Variants in UBE2Q2 observed in about 807,000 individuals in gnomAD.
The protein encoded by UBE2Q2 is ubiquitin conjugating enzyme E2 Q2.
Under a neutral mutation model 59.9 loss-of-function variants are expected in UBE2Q2, and 54 were observed. The observed-to-expected ratio is 0.90, with a 90% CI of 0.72 to 1.13. The LOEUF is 1.13. Among genes scored for constraint, UBE2Q2 ranks in the 50% most tolerant of loss-of-function variants. UBE2Q2 has a pLI of 0.00. For synonymous variants in UBE2Q2, 165 were observed against 155.2 expected (o/e 1.06, Z -0.47); for missense variants, 433 against 441.9 (o/e 0.98, Z 0.18).
At position 75,843,777 on chromosome 15, in the gene UBE2Q2, G is replaced by C. The variant is rs778344721; in HGVS notation, c.111G>C (p.Gln37His). The change falls in exon 1 of 13, where the codon CAG becomes CAC. Residue 37 changes from glutamine (Q) to histidine (H), a missense_variant. Physicochemically the swap from Gln to His is conservative, Grantham distance 24. Coordinates refer to ENST00000267938, the MANE Select transcript of UBE2Q2 (RefSeq NM_173469.4). Reference protein sequence around the residue: ...VSWKLDELHCQFLVPQQGSPH... With the variant: ...VSWKLDELHCHFLVPQQGSPH... ...GGAAGCTGGACGAGCTGCACTGCCA[G>C]TTCCTGGTGCCGCAGCAGGGCAGCC... 19 of 1,609,862 alleles carry C rather than the reference G, an allele frequency of 1.2e-5. No individual in the cohort carries two copies. Among genetic ancestry groups the C allele is most frequent in the Middle Eastern group, 1.7e-4 (1 of 5,996 alleles).
chr15:75,861,210 T>C (rs972024900), intron 3 of UBE2Q2, among the ~76,000 whole-genome samples: 1 of 152,358 alleles, frequency 6.6e-6, no homozygotes, highest in Non-Finnish European at 1.5e-5. Context: ...ACTTCTGTTA[T>C]ATTCTACCCT....
At chr15:75,892,083 G>GTC (rs1427916991) in intron 11 of UBE2Q2, among the ~76,000 whole-genome samples, 1 of 152,166 alleles carries the variant, frequency 6.6e-6, no homozygotes, top group East Asian at 1.9e-4. Flanking sequence ...GAGGAAGTGA[G>GTC]TCACTACCTA....
At chr15:75,844,432 C>T in intron 1 of UBE2Q2, 12 of 1,551,670 alleles carry the variant, frequency 7.7e-6, no homozygotes, top group South Asian at 1.2e-5. Context: ...TCCCCCGGGC[C>T]TGGCTGCGCG....
intron 11 of UBE2Q2, among the ~76,000 whole-genome samples, chr15:75,892,698 A>G (rs543987981): frequency 1.7e-4 from 26 of 152,118 alleles, no homozygotes; most frequent in African/African-American, 6.0e-4. Flanking sequence ...CGTCTACACA[A>G]AAAATACGCC....
intron 9 of UBE2Q2, among the ~76,000 whole-genome samples, chr15:75,888,660 G>A (rs1237009852): frequency 2.0e-5 from 3 of 152,036 alleles, no homozygotes; most frequent in Non-Finnish European, 4.4e-5. Context: ...AAGTAGAATC[G>A]GCCACTTTTA....
chr15:75,878,918 G>T (rs1266336778), intron 7 of UBE2Q2, among the ~76,000 whole-genome samples, 180 bp from the exon 8 acceptor site: 2 of 151,836 alleles, frequency 1.3e-5, no homozygotes, highest in Non-Finnish European at 2.9e-5. Flanking sequence ...TTCCCAAGGA[G>T]CTGGAACCTA....
chr15:75,854,621 T>G, intron 2 of UBE2Q2, 134 bp downstream of exon 2: 1 of 565,916 alleles, frequency 1.8e-6, no homozygotes, highest in Non-Finnish European at 2.9e-6. Flanking sequence ...CTAGTTTGTT[T>G]GTTTTTTTTC....
chr15:75,854,309 G>A (rs1232291301), intron 1 of UBE2Q2, 77 bp from the exon 2 acceptor site: 22 of 1,108,090 alleles, frequency 2.0e-5, no homozygotes, highest in African/African-American at 3.2e-5. Flanking sequence ...TCATCTTGCC[G>A]TTTAGTGGTG....
intron 9 of UBE2Q2, among the ~76,000 whole-genome samples, chr15:75,884,334 G>A (rs1056244209): frequency 6.6e-6 from 1 of 152,184 alleles, no homozygotes; most frequent in Non-Finnish European, 1.5e-5. Context: ...TGCATTTAGG[G>A]TAAAAATATG....
At chr15:75,879,824 T>C (rs539994101) in intron 8 of UBE2Q2, among the ~76,000 whole-genome samples, 5 of 152,280 alleles carry the variant, frequency 3.3e-5, no homozygotes, top group East Asian at 3.9e-4. Flanking sequence ...GAAACACTTA[T>C]TTATGGATTC....
intron 4 of UBE2Q2, 62 bp downstream of exon 4, chr15:75,869,072 T>TA: frequency 7.3e-7 from 1 of 1,375,590 alleles, no homozygotes; most frequent in Non-Finnish European, 1.0e-6. Flanking sequence ...TTTGAGTAAT[T>TA]CTCAAATCTT....
chr15:75,894,002 A>G (rs1389100317), intron 11 of UBE2Q2, among the ~76,000 whole-genome samples: 1 of 152,242 alleles, frequency 6.6e-6, no homozygotes, highest in Non-Finnish European at 1.5e-5. Context: ...GGACAGTGTC[A>G]TTCTCTGATC....
intron 5 of UBE2Q2, 23 bp from the exon 6 acceptor site, chr15:75,876,164 A>C: frequency 5.6e-6 from 9 of 1,612,160 alleles, no homozygotes; most frequent in Non-Finnish European, 7.6e-6. Context: ...AGACCCTGGT[A>C]AACAGTGGCT....
At chr15:75,844,728 A>G (rs1169034065) in intron 1 of UBE2Q2, 1 of 385,352 alleles carries the variant, frequency 2.6e-6, no homozygotes, top group African/African-American at 2.0e-5. Context: ...TCGTCGTGAA[A>G]TTGATGTAGG....
At chr15:75,849,191 A>G (rs1240736516) in intron 1 of UBE2Q2, among the ~76,000 whole-genome samples, 1 of 152,214 alleles carries the variant, frequency 6.6e-6, no homozygotes, top group East Asian at 1.9e-4. Context: ...TTGTCAGAGC[A>G]GTTAGAATTT....
intron 2 of UBE2Q2, among the ~76,000 whole-genome samples, chr15:75,858,958 T>C (rs1897070326): frequency 6.6e-6 from 1 of 152,240 alleles, no homozygotes; most frequent in Non-Finnish European, 1.5e-5. Context: ...ATGTCTTCTT[T>C]CTTTGTCCTT....
chr15:75,890,408 T>C lies in UBE2Q2; in HGVS notation c.885-27T>C, dbSNP rs1025507167. ...TAAGGAGGAATAATTCTCGAGAATT[T>C]TGTATGACTCCTTTTTTCTTTTTAA... On this transcript the variant is annotated intron_variant, in intron 9 of 12. Transcript: ENST00000267938. The C allele has an allele frequency of 1.1e-5, 17 of 1,575,150 alleles. No individual in the cohort carries two copies. In the Admixed American group the frequency reaches 1.2e-4, roughly 11 times the overall value.
intron 4 of UBE2Q2, among the ~76,000 whole-genome samples, chr15:75,870,541 C>G (rs1037840995): frequency 1.3e-4 from 20 of 152,278 alleles, no homozygotes; most frequent in African/African-American, 4.8e-4. Flanking sequence ...TACTAAAGTT[C>G]ATGAACTTTT....
At chr15:75,873,894 T>G (rs747272542) in intron 5 of UBE2Q2, among the ~76,000 whole-genome samples, 4 of 152,106 alleles carry the variant, frequency 2.6e-5, no homozygotes, top group African/African-American at 4.8e-5. Context: ...ATGAGGACTC[T>G]CTGTTGCCCA....
Sources: gnomAD v4.1 joint callset for allele counts (sites outside exome capture counted in the v4.1 genomes callset) on GRCh38, gnomAD v4.1.1 for gene constraint, MANE v1.5 for transcripts, NCBI Gene and HGNC (gene_info 2026-07-23, HGNC 2026-07-21) for gene names.